The following NSF variants were observed in gnomAD, a reference collection of about 807,000 sequenced individuals.
The protein encoded by NSF is vesicle-fusing ATPase.
In NSF, 14 loss-of-function variants were observed where a neutral mutation model predicts 50.3. The ratio of observed to expected loss-of-function variants is 0.28; its 90% CI spans 0.18 to 0.44. The LOEUF (loss-of-function observed/expected upper bound fraction) is 0.44, where lower values mean the gene tolerates loss of function less well. NSF is among the 20% of genes least tolerant of loss of function. The pLI is 1.00. For synonymous variants in NSF, 109 were observed against 175.7 expected, an observed-to-expected ratio of 0.62 and a Z score of 3.00; for missense variants, 218 against 504.3, an observed-to-expected ratio of 0.43 and a Z score of 5.44.
At chr17:46,751,913 T>G (rs941176348) in intron 19 of NSF, among the ~76,000 whole-genome samples, 13 of 152,168 alleles carry the variant, frequency 8.5e-5, no homozygotes, top group African/African-American at 3.1e-4. Flanking sequence ...TTCTGCCCCC[T>G]CATTTTGGAG....
chr17:46,707,132 T>C (rs2058664648), intron 13 of NSF, among the ~76,000 whole-genome samples: 1 of 152,212 alleles, frequency 6.6e-6, no homozygotes, highest in African/African-American at 2.4e-5. Context: ...ATTACAGGCG[T>C]GAGCCACTGC....
At chr17:46,751,335 T>C (rs886964783) in intron 18 of NSF, among the ~76,000 whole-genome samples, 168 bp from the exon 19 acceptor site, 2 of 152,188 alleles carry the variant, frequency 1.3e-5, no homozygotes, top group African/African-American at 4.8e-5. Flanking sequence ...TTGCACCTAA[T>C]GGGTTTAGGA....
At chr17:46,721,787 T>C in intron 15 of NSF, 1 of 1,602,602 alleles carries the variant, frequency 6.2e-7, no homozygotes. Flanking sequence ...AAGGAAGGCA[T>C]CGTGCACAGC....
chr17:46,606,054 C>T (rs2057956511), intron 1 of NSF, among the ~76,000 whole-genome samples: 1 of 94,246 alleles, frequency 1.1e-5, no homozygotes, highest in Non-Finnish European at 1.8e-5. Flanking sequence ...TGGCGCATGC[C>T]TGTAATCCCA....
At position 46,713,950 on chromosome 17, in the gene NSF, C is replaced by T. The variant is rs1283887815; in HGVS notation, c.1725C>T (p.Gly575=). The T allele has an allele frequency of 1.2e-6, 2 of 1,604,918 alleles. No individual in the cohort carries two copies. Among genetic ancestry groups the T allele is most frequent in the Non-Finnish European group, 1.7e-6 (2 of 1,178,020 alleles). ...TCTGTTCTCCTGATAAAATGATTGG[C>T]TTTTCTGAAACAGCCAAATGTCAGG... ...IKICSPDKMI[G]FSETAKCQAM... The change falls in exon 15 of 21, where the codon GGC becomes GGT. Residue 575 remains glycine, a synonymous_variant. Coordinates refer to ENST00000398238, the MANE Select transcript of NSF (RefSeq NM_006178.4).
intron 1 of NSF, among the ~76,000 whole-genome samples, chr17:46,601,845 T>C (rs1555628956): frequency 3.3e-5 from 5 of 150,998 alleles, no homozygotes; most frequent in African/African-American, 9.9e-5. Context: ...CTTTTCCGTA[T>C]GAATTCTGGG....
At chr17:46,710,903 T>C in intron 13 of NSF, 60 bp from the exon 14 acceptor site, 1 of 1,459,170 alleles carries the variant, frequency 6.9e-7, no homozygotes, top group Non-Finnish European at 9.2e-7. Flanking sequence ...AACTCGTCTT[T>C]TATACTGTTA....
intron 1 of NSF, among the ~76,000 whole-genome samples, chr17:46,615,594 G>GT (rs1192950791): frequency 2.9e-4 from 3 of 10,328 alleles, no homozygotes; most frequent in Non-Finnish European, 4.4e-4. Flanking sequence ...GTGCTTGCCT[G>GT]TAGCCTCAGC....
rs1029878225 is a variant in NSF at position 46,739,112 on chromosome 17, G to A, written c.1908+10178G>A. On this transcript the variant is annotated intron_variant, in intron 17 of 20. Coordinates refer to ENST00000398238, the MANE Select transcript of NSF (RefSeq NM_006178.4). Reference sequence around the variant, plus strand: ...AGTCCAGGCACGGTGGCTCACACCCGTAATCCCAGCACTTTGGGAGGCCAA... The same window carrying A: ...AGTCCAGGCACGGTGGCTCACACCCATAATCCCAGCACTTTGGGAGGCCAA... 5.3e-5 allele frequency among the ~76,000 whole-genome samples: 8 copies of A among 150,848 alleles called. No individual in the cohort carries two copies. In the South Asian group the frequency reaches 6.3e-4, roughly 12 times the overall value.
intron 17 of NSF, among the ~76,000 whole-genome samples, chr17:46,741,266 A>G (rs2059068555): frequency 6.6e-6 from 1 of 152,230 alleles, no homozygotes; most frequent in Non-Finnish European, 1.5e-5. Context: ...AGCTGCTCCC[A>G]ATGTAAAATC....
At chr17:46,705,652 CATATG>C (rs2058651598) in intron 13 of NSF, among the ~76,000 whole-genome samples, 1 of 151,628 alleles carries the variant, frequency 6.6e-6, no homozygotes, top group African/African-American at 2.4e-5. Flanking sequence ...TGTAAAATAA[CATATG>C]GTATATGTAG....
chr17:46,729,074 C>T (rs2058922248), intron 17 of NSF, 140 bp downstream of exon 17: 2 of 558,134 alleles, frequency 3.6e-6, no homozygotes, highest in Admixed American at 3.5e-5. Flanking sequence ...GTCGTCCAGT[C>T]TTGACTTCTG....
intron 19 of NSF, among the ~76,000 whole-genome samples, chr17:46,754,608 T>G (rs1000277643): frequency 2.0e-5 from 3 of 152,116 alleles, no homozygotes; most frequent in African/African-American, 7.2e-5. Flanking sequence ...ATTTAACGAG[T>G]TAGTATAAAT....
chr17:46,726,658 C>T (rs1302370136), intron 16 of NSF, 43 bp downstream of exon 16: 1 of 1,496,746 alleles, frequency 6.7e-7, no homozygotes, highest in Non-Finnish European at 9.3e-7. Context: ...TGCCACATTA[C>T]AGCTAATATC....
intron 4 of NSF, among the ~76,000 whole-genome samples, chr17:46,631,076 A>ACACACACACACACACG (rs2058131464): frequency 1.4e-5 from 2 of 144,610 alleles, no homozygotes; most frequent in African/African-American, 5.6e-5. Context: ...ACACACACAC[A>ACACACACACACACACG]CACACACACA....
intron 1 of NSF, among the ~76,000 whole-genome samples, chr17:46,605,475 A>G (rs1236193667): frequency 6.6e-6 from 1 of 150,458 alleles, no homozygotes; most frequent in African/African-American, 2.4e-5. Flanking sequence ...CTGTCAGAGA[A>G]AAAAGATATT....
intron 17 of NSF, among the ~76,000 whole-genome samples, chr17:46,744,555 G>A (rs1782645065): frequency 6.6e-6 from 1 of 151,772 alleles, no homozygotes; most frequent in South Asian, 2.1e-4. Context: ...CTTTACTTTT[G>A]TTCATAGGTT....
intron 1 of NSF, among the ~76,000 whole-genome samples, chr17:46,622,307 A>G (rs2058074003): frequency 6.8e-6 from 1 of 146,386 alleles, no homozygotes. Flanking sequence ...AATACAAAAA[A>G]ATTAGCCAGG....
intron 15 of NSF, among the ~76,000 whole-genome samples, chr17:46,721,149 A>G (rs564690411): frequency 3.3e-5 from 5 of 152,248 alleles, no homozygotes; most frequent in South Asian, 2.1e-4. Flanking sequence ...TGCATGTGGC[A>G]CACTCTTGCC....
Sources: gnomAD v4.1 joint callset for allele counts (sites outside exome capture counted in the v4.1 genomes callset) on GRCh38, gnomAD v4.1.1 for gene constraint, MANE v1.5 for transcripts, NCBI Gene and HGNC (gene_info 2026-07-23, HGNC 2026-07-21) for gene names.